The following LDLRAD4 variants were observed in gnomAD, a reference collection of about 807,000 sequenced individuals.
LDLRAD4 encodes the protein low density lipoprotein receptor class A domain containing 4, also known as low-density lipoprotein receptor class A domain-containing protein 4.
LDLRAD4 carries 5 observed loss-of-function variants against 17.0 expected under a neutral mutation model. The ratio of observed to expected loss-of-function variants is 0.29; its 90% CI spans 0.15 to 0.62. LDLRAD4 has a LOEUF of 0.62. Ranked by LOEUF, LDLRAD4 falls within the 20% of genes least tolerant of loss-of-function variation. The pLI is 0.84. For missense variants in LDLRAD4, 340 were observed against 424.7 expected (o/e 0.80, Z 1.75); for synonymous variants, 168 against 171.8 (o/e 0.98, Z 0.17).
At chr18:13,624,391 C>G (rs983037733) in intron 4 of LDLRAD4, among the ~76,000 whole-genome samples, 2 of 152,224 alleles carry the variant, frequency 1.3e-5, no homozygotes, top group Non-Finnish European at 2.9e-5. Flanking sequence ...TCCAGCCATT[C>G]AGTGGACACT....
In LDLRAD4 at chr18:13,219,410, C is replaced by T. The variant is rs560168550; in HGVS notation, c.-467+422C>T. Among the ~76,000 whole-genome samples the T allele has an allele frequency of 8.5e-5, 13 of 152,240 alleles. 1 individual carries two copies. The South Asian group carries it at 2.7e-3, about 32-fold the overall frequency. The stretch of plus-strand genomic sequence containing the variant: ...TTGCTTCTTTTCTTTTCCTCTGTGT[C>T]TTGGTCTATTCCCTTCTCTTTTTCT... On this transcript the variant is annotated intron_variant, in intron 1 of 5. Coordinates refer to the LDLRAD4 transcript ENST00000399848.
chr18:13,380,014 G>T (rs57959960), intron 1 of LDLRAD4, among the ~76,000 whole-genome samples: 49,036 of 124,628 alleles, frequency 0.39, 9,896 homozygotes, highest in Non-Finnish European at 0.48. Flanking sequence ...CCGTCAGCCC[G>T]AGCCCTCACG....
At chr18:13,532,839 T>C (rs2094148708) in intron 3 of LDLRAD4, among the ~76,000 whole-genome samples, 1 of 152,200 alleles carries the variant, frequency 6.6e-6, no homozygotes, top group South Asian at 2.1e-4. Context: ...ATGGCATGCC[T>C]GGCCCTGCGC....
chr18:13,593,467 A>G (rs1167223169), intron 3 of LDLRAD4, among the ~76,000 whole-genome samples: 1 of 152,222 alleles, frequency 6.6e-6, no homozygotes. Context: ...AGAGAACTTC[A>G]GTCTGAACCT....
At chr18:13,237,142 T>C (rs1242845615) in intron 1 of LDLRAD4, among the ~76,000 whole-genome samples, 1 of 152,254 alleles carries the variant, frequency 6.6e-6, no homozygotes, top group African/African-American at 2.4e-5. Flanking sequence ...GCTCTTGTTC[T>C]GGGCTGTGGC....
At chr18:13,262,060 G>A (rs373311648) in intron 1 of LDLRAD4, among the ~76,000 whole-genome samples, 32 of 110,552 alleles carry the variant, frequency 2.9e-4, no homozygotes, top group East Asian at 7.6e-4. Context: ...AGTCCCGTGC[G>A]GCTCTGTGCG....
intron 1 of LDLRAD4, among the ~76,000 whole-genome samples, chr18:13,373,497 C>T (rs527654067): frequency 1.3e-5 from 2 of 152,130 alleles, no homozygotes; most frequent in Non-Finnish European, 2.9e-5. Context: ...ATTGATTTTT[C>T]CTCTTTTGCA....
At chr18:13,588,582 T>A (rs574226081) in intron 3 of LDLRAD4, among the ~76,000 whole-genome samples, 18 of 152,318 alleles carry the variant, frequency 1.2e-4, no homozygotes, top group African/African-American at 4.1e-4. Flanking sequence ...TTATTTTTTT[T>A]AGGGTCTCTG....
At chr18:13,407,855 A>G (rs1353604277) in intron 2 of LDLRAD4, among the ~76,000 whole-genome samples, 1 of 152,206 alleles carries the variant, frequency 6.6e-6, no homozygotes, top group Non-Finnish European at 1.5e-5. Flanking sequence ...GGTAGGACCT[A>G]GGTCCCTTTG....
exon 6 of LDLRAD4, chr18:13,648,957 ATAGT>A (rs2043126814): frequency 6.6e-6 from 1 of 152,172 alleles, no homozygotes; most frequent in South Asian, 2.1e-4. Context: ...ATGTATTTCA[ATAGT>A]TCTTCTATTT....
intron 3 of LDLRAD4, among the ~76,000 whole-genome samples, chr18:13,570,371 G>A (rs983004413): frequency 2.6e-5 from 4 of 152,218 alleles, no homozygotes; most frequent in African/African-American, 7.2e-5. Flanking sequence ...GCAGGCGGGA[G>A]CCCAGACGCC....
intron 2 of LDLRAD4, among the ~76,000 whole-genome samples, chr18:13,433,498 G>A (rs1403339112): frequency 6.6e-6 from 1 of 152,182 alleles, no homozygotes; most frequent in Non-Finnish European, 1.5e-5. Flanking sequence ...GGCTTTAAAG[G>A]AGTGTAGGGG....
intron 3 of LDLRAD4, among the ~76,000 whole-genome samples, chr18:13,601,547 G>A (rs941198806): frequency 3.3e-5 from 5 of 151,902 alleles, no homozygotes; most frequent in Non-Finnish European, 7.4e-5. Flanking sequence ...CCAGCTACTC[G>A]GGAGGCTGAG....
intron 3 of LDLRAD4, among the ~76,000 whole-genome samples, chr18:13,469,648 C>T (rs1000348401): frequency 3.3e-5 from 5 of 152,174 alleles, no homozygotes; most frequent in Non-Finnish European, 7.3e-5. Flanking sequence ...TATGATACTG[C>T]TTATATGAAA....
At chr18:13,469,731 T>C (rs554350549) in intron 3 of LDLRAD4, among the ~76,000 whole-genome samples, 1 of 151,778 alleles carries the variant, frequency 6.6e-6, no homozygotes, top group South Asian at 2.1e-4. Context: ...GAGGGAAGAA[T>C]TGAGACTTTA....
chr18:13,410,816 A>T (rs554715032), intron 2 of LDLRAD4, among the ~76,000 whole-genome samples: 2 of 152,204 alleles, frequency 1.3e-5, no homozygotes, highest in African/African-American at 2.4e-5. Context: ...ATTTCAGTGG[A>T]TGGCTTTTTG....
At chr18:13,225,278 A>G (rs1205559744) in intron 1 of LDLRAD4, among the ~76,000 whole-genome samples, 2 of 152,242 alleles carry the variant, frequency 1.3e-5, no homozygotes, top group Non-Finnish European at 2.9e-5. Context: ...AGATGCACAT[A>G]TCATGGGCCT....
chr18:13,438,788 C>G (rs186300691), intron 3 of LDLRAD4, among the ~76,000 whole-genome samples: 1 of 152,260 alleles, frequency 6.6e-6, no homozygotes, highest in East Asian at 1.9e-4. Context: ...ACATGGGATC[C>G]TTGAAGGTTC....
intron 3 of LDLRAD4, among the ~76,000 whole-genome samples, chr18:13,556,296 G>A (rs1279978041): frequency 6.6e-6 from 1 of 152,204 alleles, no homozygotes; most frequent in African/African-American, 2.4e-5. Context: ...GTTATCAGGA[G>A]GCCCTAGGGC....
Sources: allele counts gnomAD v4.1 joint callset (sites outside exome capture counted in the v4.1 genomes callset), GRCh38; gene constraint gnomAD v4.1.1; transcripts MANE v1.5; gene names NCBI Gene and HGNC (gene_info 2026-07-23, HGNC 2026-07-21).